The following PVT1 variants were observed in gnomAD, a reference collection of about 807,000 sequenced individuals.
PVT1 encodes Pvt1 oncogene.
At chr8:127,971,693 G>A (rs1414839279) in intron 3 of PVT1, among the ~76,000 whole-genome samples, 2 of 152,166 alleles carry the variant, frequency 1.3e-5, no homozygotes, top group African/African-American at 2.4e-5. Context: ...TCTGGGCCTC[G>A]CTTTTCTCAT....
intron 4 of PVT1, among the ~76,000 whole-genome samples, chr8:128,059,010 C>T (rs966537536): frequency 1.3e-5 from 2 of 152,102 alleles, no homozygotes; most frequent in Admixed American, 1.3e-4. Flanking sequence ...CTTTGTGCAA[C>T]ACACATCTCA....
chr8:128,039,934 C>T (rs1032959852), intron 4 of PVT1, among the ~76,000 whole-genome samples: 15 of 152,136 alleles, frequency 9.9e-5, no homozygotes, highest in South Asian at 4.1e-4. Flanking sequence ...AATATGATCC[C>T]GATTGTTGAT....
chr8:127,918,478 T>C (rs1367110306), intron 3 of PVT1, among the ~76,000 whole-genome samples: 2 of 152,182 alleles, frequency 1.3e-5, no homozygotes, highest in Non-Finnish European at 2.9e-5. Flanking sequence ...CGACGATGGC[T>C]TTCACAACTG....
intron 4 of PVT1, among the ~76,000 whole-genome samples, chr8:128,041,395 G>A (rs1406105446): frequency 6.7e-6 from 1 of 150,026 alleles, no homozygotes; most frequent in Admixed American, 6.6e-5. Context: ...GTGTATGTGT[G>A]TGTTTGTGTG....
intron 4 of PVT1, among the ~76,000 whole-genome samples, chr8:128,043,799 CACACAT>C (rs1016128481): frequency 2.7e-5 from 4 of 149,288 alleles, no homozygotes; most frequent in South Asian, 2.1e-4. Context: ...CACACACACA[CACACAT>C]ACACAAGGAG....
chr8:127,999,296 A>G (rs1817147067), intron 4 of PVT1: 1 of 152,198 alleles, frequency 6.6e-6, no homozygotes, highest in Non-Finnish European at 1.5e-5. Flanking sequence ...TTTTCCCTGT[A>G]AAAATTTTTA....
intron 3 of PVT1, among the ~76,000 whole-genome samples, chr8:127,952,965 C>T (rs930707068): frequency 1.4e-4 from 22 of 152,228 alleles, no homozygotes; most frequent in African/African-American, 4.1e-4. Flanking sequence ...GGGGTTTCAC[C>T]ATGTTGGCCA....
chr8:127,941,099 C>G (rs1236337472), intron 3 of PVT1, among the ~76,000 whole-genome samples: 1 of 152,218 alleles, frequency 6.6e-6, no homozygotes, highest in Non-Finnish European at 1.5e-5. Flanking sequence ...ATGCATTGAG[C>G]TTCTGGAAGC....
chr8:128,019,774 GC>G (rs1482425357), intron 4 of PVT1, among the ~76,000 whole-genome samples: 2 of 152,160 alleles, frequency 1.3e-5, no homozygotes, highest in African/African-American at 4.8e-5. Flanking sequence ...GGCAGAATCG[GC>G]CCCCCAGGAG....
At chr8:127,926,450 A>G (rs1190206252) in intron 3 of PVT1, among the ~76,000 whole-genome samples, 3 of 152,004 alleles carry the variant, frequency 2.0e-5, no homozygotes, top group East Asian at 1.9e-4. Flanking sequence ...CCTTCCTCCA[A>G]CTGGAGCTGC....
chr8:127,961,013 C>G (rs1487068826), intron 3 of PVT1, among the ~76,000 whole-genome samples: 1 of 151,486 alleles, frequency 6.6e-6, no homozygotes, highest in Non-Finnish European at 1.5e-5. Context: ...GCCAAGGTGC[C>G]TGCCTGGGGA....
chr8:128,026,756 C>T (rs879863916), intron 4 of PVT1, among the ~76,000 whole-genome samples: 5 of 152,178 alleles, frequency 3.3e-5, no homozygotes, highest in Admixed American at 2.6e-4. Flanking sequence ...AGTCTCCCAC[C>T]TACCCTCCCT....
chr8:127,808,338 G>C (rs1236200673), intron 2 of PVT1, among the ~76,000 whole-genome samples: 1 of 152,164 alleles, frequency 6.6e-6, no homozygotes, highest in African/African-American at 2.4e-5. Flanking sequence ...GTGAGCCACG[G>C]CGTCCAGCCT....
intron 5 of PVT1, among the ~76,000 whole-genome samples, chr8:128,090,651 G>T (rs1814339688): frequency 6.6e-6 from 1 of 152,080 alleles, no homozygotes; most frequent in Non-Finnish European, 1.5e-5. Flanking sequence ...TGGGTCCCAT[G>T]AGATCAGACA....
chr8:128,094,102 G>C (rs541526616), intron 5 of PVT1, among the ~76,000 whole-genome samples: 1 of 152,256 alleles, frequency 6.6e-6, no homozygotes, highest in Admixed American at 6.5e-5. Flanking sequence ...CCCAGGCTCT[G>C]CATCAGGTTG....
intron 2 of PVT1, among the ~76,000 whole-genome samples, chr8:127,805,543 T>G (rs1814517005): frequency 6.6e-6 from 1 of 152,210 alleles, no homozygotes; most frequent in Non-Finnish European, 1.5e-5. Context: ...TTAACATGTA[T>G]GTACAGTGTT....
intron 3 of PVT1, among the ~76,000 whole-genome samples, chr8:127,937,821 C>T (rs1816298423): frequency 6.6e-6 from 1 of 152,180 alleles, no homozygotes; most frequent in Non-Finnish European, 1.5e-5. Flanking sequence ...ATTTATTACC[C>T]ATGGTTTACA....
chr8:127,954,803 G>A (rs547261783), intron 3 of PVT1, among the ~76,000 whole-genome samples: 1 of 152,302 alleles, frequency 6.6e-6, no homozygotes, highest in Admixed American at 6.5e-5. Flanking sequence ...CTGGTGCTCG[G>A]CTTGGTCCTG....
At chr8:127,824,108 G>C (rs962243194) in intron 2 of PVT1, among the ~76,000 whole-genome samples, 4 of 152,152 alleles carry the variant, frequency 2.6e-5, no homozygotes, top group Non-Finnish European at 5.9e-5. Flanking sequence ...TCGAGCCCAG[G>C]AGTTTGAGGC....
Sources: gnomAD v4.1 joint callset for allele counts (sites outside exome capture counted in the v4.1 genomes callset) on GRCh38, gnomAD v4.1.1 for gene constraint, MANE v1.5 for transcripts, NCBI Gene and HGNC (gene_info 2026-07-23, HGNC 2026-07-21) for gene names.